SLIT2: variants seen among roughly 807,000 people sequenced by gnomAD.
SLIT2 encodes the protein slit homolog 2 protein.
SLIT2 carries 41 observed loss-of-function variants against 185.7 expected under a neutral mutation model. The ratio of observed to expected loss-of-function variants is 0.22; its 90% confidence interval spans 0.17 to 0.29. SLIT2 has a LOEUF of 0.29. SLIT2 is among the 10% of genes least tolerant of loss of function. The probability of loss-of-function intolerance (pLI) is 1.00; values close to 1 mark genes in which losing one functional copy is unlikely to be tolerated. For synonymous variants in SLIT2, 693 were observed against 680.2 expected (o/e 1.02, Z -0.29); for missense variants, 1,571 against 1,909.0 (o/e 0.82, Z 3.30).
chr4:20,402,372 G>A (rs909416846), intron 4 of SLIT2, among the ~76,000 whole-genome samples: 5 of 151,894 alleles, frequency 3.3e-5, no homozygotes, highest in African/African-American at 1.2e-4. Flanking sequence ...ACATCAACTA[G>A]CTTAATTTTT....
chr4:20,572,475 A>T (rs1031596195), intron 29 of SLIT2, among the ~76,000 whole-genome samples: 1 of 152,160 alleles, frequency 6.6e-6, no homozygotes, highest in Non-Finnish European at 1.5e-5. Flanking sequence ...TTATTTTTTT[A>T]AAATCATGAT....
chr4:20,617,458 T>C lies in SLIT2; in HGVS notation c.4156T>C (p.Leu1386=), dbSNP rs1301189508. 11 of 1,614,132 alleles carry C rather than the reference T, an allele frequency of 6.8e-6. No homozygotes were observed. The highest frequency in any genetic ancestry group is 8.5e-6 in the Non-Finnish European group (10 of 1,179,998). ...CTGTAGATGCGTACATGGCACCTGC[T>C]TGCCCATCAATGCGTTCTCCTACAG... The part of the protein sequence containing the change: ...LGNKCVHGTC[L]PINAFSYSCK... Residue 1386 remains leucine, a synonymous_variant, in exon 36 of 37, where the codon TTG becomes CTG. Coordinates refer to ENST00000504154, the MANE Select transcript of SLIT2 (RefSeq NM_004787.4).
chr4:20,588,919 T>A (rs999452521), intron 29 of SLIT2, among the ~76,000 whole-genome samples: 1 of 152,174 alleles, frequency 6.6e-6, no homozygotes, highest in Admixed American at 6.5e-5. Context: ...CCTTTTACTT[T>A]TTTCTTTATA....
At chr4:20,421,862 A>C (rs554967055) in intron 4 of SLIT2, among the ~76,000 whole-genome samples, 1 of 152,066 alleles carries the variant, frequency 6.6e-6, no homozygotes, top group Non-Finnish European at 1.5e-5. Flanking sequence ...GTGCATGTGC[A>C]TGCAAGATTG....
intron 29 of SLIT2, among the ~76,000 whole-genome samples, chr4:20,580,040 GTATATAT>G (rs1444848008): frequency 1.5e-5 from 2 of 134,934 alleles, no homozygotes; most frequent in East Asian, 2.2e-4. Context: ...TATATATTAT[GTATATAT>G]TATATATTAT....
intron 29 of SLIT2, among the ~76,000 whole-genome samples, chr4:20,576,295 T>C (rs929524282): frequency 3.9e-5 from 6 of 152,222 alleles, no homozygotes; most frequent in Admixed American, 1.3e-4. Context: ...TCTCCCCATA[T>C]TGTTCAGTAT....
chr4:20,371,946 G>A (rs1723614887), intron 4 of SLIT2, among the ~76,000 whole-genome samples: 1 of 152,066 alleles, frequency 6.6e-6, no homozygotes, highest in African/African-American at 2.4e-5. Flanking sequence ...TTGATGGAAA[G>A]TGCCTAACTG....
Position 20,254,760 on chromosome 4 carries a change from C to T in SLIT2, c.179+766C>T, listed in dbSNP as rs1458284856. On this transcript the variant is annotated intron_variant, in intron 1 of 36. Transcript: ENST00000504154. The surrounding 1 kb of genome is among the most constrained non-coding windows in gnomAD (Gnocchi z 5.1). ...GCCCAACCAGGTCTTACCACTGCGGCGACCCGGCGGTGCCCGGCTGCCCCC... is the reference window on the plus strand; with the variant it reads ...GCCCAACCAGGTCTTACCACTGCGGTGACCCGGCGGTGCCCGGCTGCCCCC... Among the ~76,000 whole-genome samples, 1 of 152,116 alleles carries T rather than the reference C, an allele frequency of 6.6e-6. No homozygotes were observed. The highest frequency in any genetic ancestry group is 1.5e-5 in the Non-Finnish European group (1 of 68,022).
In SLIT2 at chr4:20,252,306, G is replaced by A. The variant is rs1317561388; in HGVS notation, c.-1510G>A. On this transcript the variant is annotated 5_prime_UTR_variant, in exon 1 of 37. Transcript: ENST00000504154. ...GACACTTGCCAGGGGCTCCGGAGTCGGCAGAGCCACCGAGTCCCCGCTCTG... is the reference window on the plus strand; with the variant it reads ...GACACTTGCCAGGGGCTCCGGAGTCAGCAGAGCCACCGAGTCCCCGCTCTG... Among the ~76,000 whole-genome samples the A allele has an allele frequency of 6.6e-6, 1 of 152,158 alleles. No homozygotes were observed. Among genetic ancestry groups the A allele is most frequent in the African/African-American group, 2.4e-5 (1 of 41,434 alleles).
intron 17 of SLIT2, 98 bp from the exon 18 acceptor site, chr4:20,533,474 G>A (rs1721983142): frequency 1.1e-6 from 1 of 886,238 alleles, no homozygotes; most frequent in Non-Finnish European, 1.8e-6. Flanking sequence ...GTGAAAAGTT[G>A]GAAAACTTGG....
chr4:20,307,408 G>C (rs920303620), intron 4 of SLIT2, among the ~76,000 whole-genome samples: 3 of 151,468 alleles, frequency 2.0e-5, no homozygotes, highest in African/African-American at 7.3e-5. Flanking sequence ...CACTGCAGGA[G>C]CACACCACCA....
chr4:20,548,584 G>A (rs372092951), intron 23 of SLIT2, 25 bp downstream of exon 23: 2 of 1,426,998 alleles, frequency 1.4e-6, no homozygotes, highest in African/African-American at 2.8e-5. Flanking sequence ...GTGGTACTGA[G>A]TATTCATTAA....
At chr4:20,472,386 G>GATCTATATA in intron 5 of SLIT2, among the ~76,000 whole-genome samples, 1 of 38,402 alleles carries the variant, frequency 2.6e-5, no homozygotes, top group Admixed American at 6.1e-4. Flanking sequence ...CTATATATAT[G>GATCTATATA]TAGATATATA....
At chr4:20,295,230 A>T (rs1716343736) in intron 4 of SLIT2, among the ~76,000 whole-genome samples, 1 of 152,212 alleles carries the variant, frequency 6.6e-6, no homozygotes, top group African/African-American at 2.4e-5. Context: ...AATTACTTAT[A>T]AAATAGATTA....
At chr4:20,446,053 CACA>C (rs765816547) in intron 4 of SLIT2, among the ~76,000 whole-genome samples, 3 of 152,296 alleles carry the variant, frequency 2.0e-5, no homozygotes, top group Admixed American at 6.5e-5. Flanking sequence ...CATCTCTGTG[CACA>C]ACAACTGTCT....
Position 20,553,800 on chromosome 4 carries a change from T to A in SLIT2, c.2562-5T>A. 1 of 1,561,038 alleles carries A rather than the reference T, an allele frequency of 6.4e-7. No individual in the cohort carries two copies. The highest frequency in any genetic ancestry group is 8.6e-7 in the Non-Finnish European group (1 of 1,158,132). On this transcript the variant is annotated splice_polypyrimidine_tract_variant and splice_region_variant and intron_variant, in intron 25 of 36. Transcript: ENST00000504154. ...GTGTGTGCTTCTGTGGTGTTGTTTT[T>A]CCAGAGCAATTGGAGCCAACCCTCT...
chr4:20,555,782 G>A (rs1332496910), intron 26 of SLIT2, among the ~76,000 whole-genome samples: 2 of 151,690 alleles, frequency 1.3e-5, no homozygotes, highest in Non-Finnish European at 1.5e-5. Context: ...AATGTATCTG[G>A]TGGAATCTAA....
In SLIT2 at chr4:20,253,789, C is replaced by A. The variant is rs1172665136; in HGVS notation, c.-27C>A. Reference sequence around the variant, plus strand: ...GCAAGCTAAAGAAAGCCCCCAGTGCCGGCGAGGAAGGAGGCGGCGGGGAAA... The same window carrying A: ...GCAAGCTAAAGAAAGCCCCCAGTGCAGGCGAGGAAGGAGGCGGCGGGGAAA... On this transcript the variant is annotated 5_prime_UTR_variant, in exon 1 of 37. Transcript: ENST00000504154. The A allele has an allele frequency of 4.4e-6, 7 of 1,595,266 alleles. No homozygotes were observed. The Admixed American group carries it at 5.0e-5, about 11-fold the overall frequency.
At position 20,567,100 on chromosome 4, in the gene SLIT2, A is replaced by C. The variant is rs115502401; in HGVS notation, c.2726-162A>C. On this transcript the variant is annotated intron_variant, in intron 26 of 36. Coordinates refer to ENST00000504154, the MANE Select transcript of SLIT2 (RefSeq NM_004787.4). ...GCCTCCTGTTGCATTCTTGAACATC[A>C]TCGGAGGATGCTGATTTCTGGCTTG... Among the ~76,000 whole-genome samples the C allele has an allele frequency of 5.0e-3, 757 of 152,178 alleles. 5 individuals are homozygous for C. The highest frequency in any genetic ancestry group is 0.01 in the Middle Eastern group (3 of 294).
Sources: gnomAD v4.1 joint callset for allele counts (sites outside exome capture counted in the v4.1 genomes callset) on GRCh38, gnomAD v4.1.1 for gene constraint, Gnocchi (gnomAD v3.1) non-coding constraint, MANE v1.5 for transcripts, NCBI Gene and HGNC (gene_info 2026-07-23, HGNC 2026-07-21) for gene names.